NFIB: variants seen among roughly 807,000 people sequenced by gnomAD.
The protein encoded by NFIB is nuclear factor I B.
A neutral mutation model predicts 61.5 loss-of-function variants in NFIB; 11 were observed. The observed-to-expected ratio is 0.18, with a 90% CI of 0.11 to 0.30. The LOEUF is 0.30. NFIB is among the 10% of genes least tolerant of loss of function. The pLI is 1.00. For synonymous variants in NFIB, 260 were observed against 216.5 expected (o/e 1.20, Z -1.76); for missense variants, 471 against 608.9 (o/e 0.77, Z 2.38).
the NFIB span, among the ~76,000 whole-genome samples, chr9:14,503,595 T>C: frequency 1.3e-5 from 2 of 152,248 alleles, no homozygotes; most frequent in Non-Finnish European, 2.9e-5. Flanking sequence ...GTTGGGCATT[T>C]TTCCATATGC....
chr9:14,259,350 C>T (rs182209066), intron 2 of NFIB, among the ~76,000 whole-genome samples: 1 of 152,330 alleles, frequency 6.6e-6, no homozygotes, highest in Admixed American at 6.5e-5. Flanking sequence ...AATTTAGAAA[C>T]TCATCATTAT....
At chr9:14,212,411 A>C (rs573344454) in intron 2 of NFIB, among the ~76,000 whole-genome samples, 1 of 152,340 alleles carries the variant, frequency 6.6e-6, no homozygotes, top group African/African-American at 2.4e-5. Flanking sequence ...GGCAACATTA[A>C]ACATACTAAA....
At chr9:14,446,362 G>C in the NFIB span, among the ~76,000 whole-genome samples, 4 of 152,126 alleles carry the variant, frequency 2.6e-5, no homozygotes, top group Non-Finnish European at 5.9e-5. Context: ...ATCCTTCTGG[G>C]ATTCCAGTCC....
intron 10 of NFIB, among the ~76,000 whole-genome samples, chr9:14,101,563 C>T (rs571523831): frequency 6.6e-6 from 1 of 152,208 alleles, no homozygotes; most frequent in Admixed American, 6.5e-5. Flanking sequence ...TCAACTCTAT[C>T]TGGTGAACTC....
At chr9:14,510,124 G>C in the NFIB span, among the ~76,000 whole-genome samples, 3 of 152,308 alleles carry the variant, frequency 2.0e-5, no homozygotes, top group Admixed American at 6.5e-5. Flanking sequence ...TTGAACTCCT[G>C]ACCTCAAGTG....
chr9:14,155,774 G>C (rs1440209302), intron 4 of NFIB, 51 bp downstream of exon 4: 8 of 1,155,998 alleles, frequency 6.9e-6, no homozygotes, highest in Non-Finnish European at 9.9e-6. Context: ...AAAATATAAA[G>C]TATTTTAAAT....
chr9:14,513,345 G>C, the NFIB span, among the ~76,000 whole-genome samples: 1 of 152,086 alleles, frequency 6.6e-6, no homozygotes, highest in African/African-American at 2.4e-5. Context: ...AAACAGAAAT[G>C]AAGGCCGGGT....
the NFIB span, among the ~76,000 whole-genome samples, chr9:14,464,753 C>T: frequency 1.3e-5 from 2 of 152,150 alleles, no homozygotes; most frequent in Admixed American, 1.3e-4. Flanking sequence ...GGACGGTCAG[C>T]ATGCTTTGGG....
intron 1 of NFIB, among the ~76,000 whole-genome samples, chr9:14,363,601 ACATATATATGTG>A (rs2061265297): frequency 2.0e-5 from 3 of 149,456 alleles, no homozygotes; most frequent in Admixed American, 2.0e-4. Context: ...GTGTACATAT[ACATATATATGTG>A]CATGTATATG....
chr9:14,374,751 A>T (rs1459092161), intron 1 of NFIB, among the ~76,000 whole-genome samples: 1 of 152,056 alleles, frequency 6.6e-6, no homozygotes, highest in African/African-American at 2.4e-5. Flanking sequence ...CTCTACTAAA[A>T]ATACAAAAAT....
At chr9:14,504,181 T>G in the NFIB span, among the ~76,000 whole-genome samples, 1 of 152,224 alleles carries the variant, frequency 6.6e-6, no homozygotes, top group Non-Finnish European at 1.5e-5. Flanking sequence ...GTTCCGTTGG[T>G]CTATGTGCCT....
chr9:14,338,783 A>G (rs1170187971), intron 1 of NFIB, among the ~76,000 whole-genome samples: 1 of 147,796 alleles, frequency 6.8e-6, no homozygotes, highest in Non-Finnish European at 1.5e-5. Context: ...CCTTTATGTT[A>G]TTACTTTTTT....
chr9:14,507,979 C>T, the NFIB span, among the ~76,000 whole-genome samples: 1 of 126,188 alleles, frequency 7.9e-6, no homozygotes, highest in African/African-American at 2.8e-5. Flanking sequence ...CAAACACACA[C>T]ACACACACAC....
intron 2 of NFIB, among the ~76,000 whole-genome samples, chr9:14,245,086 C>G (rs1276875622): frequency 6.6e-6 from 1 of 152,164 alleles, no homozygotes; most frequent in African/African-American, 2.4e-5. Context: ...ATAACAACAG[C>G]TAAATTCAGA....
intron 2 of NFIB, among the ~76,000 whole-genome samples, chr9:14,185,564 C>A (rs182978548): frequency 1.1e-4 from 16 of 152,230 alleles, no homozygotes; most frequent in Non-Finnish European, 4.4e-5. Flanking sequence ...AACAATATGA[C>A]ACGAAGTCTA....
the NFIB span, among the ~76,000 whole-genome samples, chr9:14,422,092 T>A: frequency 6.6e-6 from 1 of 152,122 alleles, no homozygotes; most frequent in Non-Finnish European, 1.5e-5. Context: ...TAGTGTTAGC[T>A]CAGTTAGTGA....
chr9:14,462,629 G>A, the NFIB span, among the ~76,000 whole-genome samples: 1 of 152,292 alleles, frequency 6.6e-6, no homozygotes, highest in Non-Finnish European at 1.5e-5. Flanking sequence ...CAGAGTGTGA[G>A]TAACCAGTAA....
chr9:14,390,801 G>A (rs2061610620), intron 1 of NFIB, among the ~76,000 whole-genome samples: 1 of 152,162 alleles, frequency 6.6e-6, no homozygotes, highest in Non-Finnish European at 1.5e-5. Context: ...CATCAAATCT[G>A]CTGGCACATT....
intron 1 of NFIB, among the ~76,000 whole-genome samples, chr9:14,326,228 A>G (rs1377360461): frequency 6.6e-6 from 1 of 152,232 alleles, no homozygotes; most frequent in Non-Finnish European, 1.5e-5. Context: ...CTTCAGCTGT[A>G]ATTCATTATG....
Sources: allele counts gnomAD v4.1 joint callset (sites outside exome capture counted in the v4.1 genomes callset), GRCh38; gene constraint gnomAD v4.1.1; transcripts MANE v1.5; gene names NCBI Gene and HGNC (gene_info 2026-07-23, HGNC 2026-07-21).